The following CCDC170 variants were observed in gnomAD, a reference collection of about 807,000 sequenced individuals.
CCDC170 encodes the protein coiled-coil domain-containing protein 170.
In CCDC170, 69 loss-of-function variants were observed where a neutral mutation model predicts 72.6. The observed-to-expected ratio is 0.95, with a 90% CI of 0.78 to 1.16. The LOEUF (loss-of-function observed/expected upper bound fraction) is 1.16. Ranked by LOEUF, CCDC170 falls within the 50% of genes most tolerant of loss-of-function variation. The pLI, the probability that CCDC170 is intolerant of heterozygous loss-of-function variation, is 0.00. For missense variants in CCDC170, 852 were observed against 832.5 expected (o/e 1.02, Z -0.29); for synonymous variants, 300 against 303.9 (o/e 0.99, Z 0.13).
At chr6:151,578,149 G>A (rs951186490) in intron 6 of CCDC170, among the ~76,000 whole-genome samples, 3 of 152,118 alleles carry the variant, frequency 2.0e-5, no homozygotes, top group Non-Finnish European at 2.9e-5. Flanking sequence ...CGGTTGCTCC[G>A]GGCTACAGAG....
chr6:151,510,472 G>T (rs1025826288), intron 1 of CCDC170, among the ~76,000 whole-genome samples: 1 of 152,136 alleles, frequency 6.6e-6, no homozygotes, highest in South Asian at 2.1e-4. Flanking sequence ...TGAGGTTACA[G>T]AATAAAGATA....
Position 151,494,060 on chromosome 6 carries a change from C to T in CCDC170, c.-69C>T, listed in dbSNP as rs1029596658. 1.1e-5 allele frequency: 15 copies of T among 1,398,760 alleles called. 1 individual carries two copies. The highest frequency in any genetic ancestry group is 5.0e-4 in the Middle Eastern group (2 of 3,980). The allele number at this position is 1,398,760 out of a possible 1,614,324, so 86.6% of individuals were successfully genotyped here. A position where few individuals can be genotyped will look rare whatever the true frequency, so the allele number is the denominator to read the frequency against. On this transcript the variant is annotated 5_prime_UTR_variant, in exon 1 of 11. Transcript: ENST00000239374. ...CCGAGGAGACACCCGCGCCACCCGC[C>T]GGCTCCCGGCGCCGCCGCTTCCTCA... is the stretch of plus-strand genomic sequence containing the variant.
intron 1 of CCDC170, among the ~76,000 whole-genome samples, chr6:151,504,213 A>G (rs548963530): frequency 6.6e-6 from 1 of 152,238 alleles, no homozygotes; most frequent in East Asian, 1.9e-4. Flanking sequence ...ATGTAGCACA[A>G]TGTTCTCACA....
chr6:151,617,933 G>A lies in CCDC170; in HGVS notation c.1948-14G>A, dbSNP rs966716442. The stretch of plus-strand genomic sequence containing the variant: ...TTGTTCTCCCAGTTAATGAGTTTCT[G>A]TTTGATATTGCAGCTGGCAGACTTC... On this transcript the variant is annotated splice_polypyrimidine_tract_variant and intron_variant, in intron 10 of 10. Transcript: ENST00000239374. The A allele has an allele frequency of 6.2e-6, 10 of 1,609,404 alleles. No homozygotes were observed. The highest frequency in any genetic ancestry group is 8.5e-6 in the Non-Finnish European group (10 of 1,176,774).
chr6:151,531,862 A>G lies in CCDC170; in HGVS notation c.58-4456A>G, dbSNP rs1782494947. On this transcript the variant is annotated intron_variant, in intron 1 of 10. Coordinates refer to ENST00000239374, the MANE Select transcript of CCDC170 (RefSeq NM_025059.4). ...GTTCCTTATAAAACCATCAGATCTC[A>G]TGGGAACTCACTACTATGAGAACAG... 2.0e-5 allele frequency among the ~76,000 whole-genome samples: 3 copies of G among 152,204 alleles called. No individual in the cohort carries two copies. In the South Asian group the frequency reaches 6.2e-4, roughly 31 times the overall value.
chr6:151,513,140 C>G (rs765209539), intron 1 of CCDC170, among the ~76,000 whole-genome samples: 1 of 152,068 alleles, frequency 6.6e-6, no homozygotes, highest in Non-Finnish European at 1.5e-5. Flanking sequence ...GGAGAGTAGT[C>G]AACTTAAAAT....
At chr6:151,608,790 G>C (rs12663501) in intron 9 of CCDC170, among the ~76,000 whole-genome samples, 11,046 of 152,252 alleles carry the variant, frequency 0.073, 553 homozygotes, top group East Asian at 0.29. Flanking sequence ...GTCAGGCTCT[G>C]GGGAGCATGC....
At chr6:151,534,605 G>C (rs1300847809) in intron 1 of CCDC170, among the ~76,000 whole-genome samples, 1 of 152,132 alleles carries the variant, frequency 6.6e-6, no homozygotes, top group Non-Finnish European at 1.5e-5. Context: ...TCTCTAATAA[G>C]AGATTCAGTT....
intron 9 of CCDC170, among the ~76,000 whole-genome samples, chr6:151,609,018 A>G (rs1266094373): frequency 6.6e-6 from 1 of 152,152 alleles, no homozygotes; most frequent in Non-Finnish European, 1.5e-5. Context: ...CTTTGCTCCA[A>G]GCTGATCCTG....
intron 7 of CCDC170, among the ~76,000 whole-genome samples, chr6:151,591,905 T>G (rs1282183806): frequency 1.3e-5 from 2 of 152,178 alleles, no homozygotes; most frequent in African/African-American, 4.8e-5. Flanking sequence ...TTTGGAGTGC[T>G]CTGTAGAGCC....
At chr6:151,591,619 C>T (rs1343418119) in intron 7 of CCDC170, among the ~76,000 whole-genome samples, 2 of 152,022 alleles carry the variant, frequency 1.3e-5, no homozygotes, top group Non-Finnish European at 2.9e-5. Flanking sequence ...CTCAGCCTCC[C>T]AAGTAGCTGG....
At chr6:151,505,916 G>A (rs1028661749) in intron 1 of CCDC170, among the ~76,000 whole-genome samples, 4 of 152,096 alleles carry the variant, frequency 2.6e-5, no homozygotes, top group African/African-American at 7.2e-5. Flanking sequence ...GAGCAACATA[G>A]TGAGACCCCA....
At chr6:151,568,351 T>G (rs1298999393) in intron 5 of CCDC170, among the ~76,000 whole-genome samples, 1 of 152,146 alleles carries the variant, frequency 6.6e-6, no homozygotes, top group East Asian at 1.9e-4. Flanking sequence ...TTGGTGTAAT[T>G]CGAAGGAAAT....
intron 1 of CCDC170, 92 bp downstream of exon 1, chr6:151,494,277 C>G: frequency 1.1e-5 from 14 of 1,286,080 alleles, no homozygotes; most frequent in Non-Finnish European, 1.4e-5. Flanking sequence ...CACCCTTTTC[C>G]TCCCGGAGGC....
rs534070845 is a variant in CCDC170 at position 151,522,085 on chromosome 6, G to C, written c.58-14233G>C. ...TGAGGCAGGAGAATCGCCTGAACCT[G>C]GGAGGTGGAGGTTGCAGCGAGCTGA... On this transcript the variant is annotated intron_variant, in intron 1 of 10. Coordinates refer to ENST00000239374, the MANE Select transcript of CCDC170 (RefSeq NM_025059.4). Among the ~76,000 whole-genome samples the C allele has an allele frequency of 7.9e-5, 12 of 151,892 alleles. No homozygotes were observed. In the South Asian group the frequency reaches 2.5e-3, roughly 32 times the overall value.
chr6:151,497,070 G>A (rs940214143), intron 1 of CCDC170, among the ~76,000 whole-genome samples: 1 of 152,222 alleles, frequency 6.6e-6, no homozygotes, highest in Non-Finnish European at 1.5e-5. Flanking sequence ...AGAATCTGTA[G>A]GAGGGACAGA....
intron 4 of CCDC170, among the ~76,000 whole-genome samples, chr6:151,547,763 C>A (rs1782800322): frequency 1.3e-5 from 2 of 152,166 alleles, no homozygotes; most frequent in South Asian, 4.1e-4. Context: ...TAAATGCTCC[C>A]AGTTAACCAT....
In CCDC170 at chr6:151,544,600, A is replaced by G. The variant is rs1330637311; in HGVS notation, c.472A>G (p.Lys158Glu). ...QKCSKENEEN[K>E]KQVSKNCRKH... ...GTGTTCAAAAGAAAATGAGGAGAATAAGAAACAAGTTTCAAAGAATTGCAG... is the reference window on the plus strand; with the variant it reads ...GTGTTCAAAAGAAAATGAGGAGAATGAGAAACAAGTTTCAAAGAATTGCAG... Residue 158 changes from lysine (K) to glutamate (E), a missense_variant, in exon 4 of 11, where the codon AAG (lysine) becomes GAG (glutamate). Transcript: ENST00000239374. 10 of 1,613,212 alleles carry G rather than the reference A, an allele frequency of 6.2e-6. No homozygotes were observed. The African/African-American group carries it at 1.3e-4, about 22-fold the overall frequency.
At chr6:151,535,050 G>A (rs1458820990) in intron 1 of CCDC170, among the ~76,000 whole-genome samples, 1 of 152,244 alleles carries the variant, frequency 6.6e-6, no homozygotes, top group African/African-American at 2.4e-5. Context: ...CATATGGCAT[G>A]AGTCAGATGG....
Sources: gnomAD v4.1 joint callset for allele counts (sites outside exome capture counted in the v4.1 genomes callset) on GRCh38, gnomAD v4.1.1 for gene constraint, MANE v1.5 for transcripts, NCBI Gene and HGNC (gene_info 2026-07-23, HGNC 2026-07-21) for gene names.